The following RNF152 variants were observed in gnomAD, a reference collection of about 807,000 sequenced individuals.
RNF152 encodes the protein E3 ubiquitin-protein ligase RNF152.
In RNF152, 11 loss-of-function variants were observed where a neutral mutation model predicts 12.7. The ratio of observed to expected loss-of-function variants is 0.86; its 90% CI spans 0.54 to 1.43. The LOEUF (loss-of-function observed/expected upper bound fraction) is 1.43, where lower values mean the gene tolerates loss of function less well. Ranked by LOEUF, RNF152 falls within the 40% of genes most tolerant of loss-of-function variation. The probability of loss-of-function intolerance (pLI) is 0.00; values close to 1 mark genes in which losing one functional copy is unlikely to be tolerated. For missense variants in RNF152, 255 were observed against 274.8 expected (o/e 0.93, Z 0.51); for synonymous variants, 113 against 120.3 (o/e 0.94, Z 0.40).
chr18:61,817,082 C>T (rs756097991), intron 1 of RNF152, among the ~76,000 whole-genome samples: 7 of 152,210 alleles, frequency 4.6e-5, no homozygotes, highest in Non-Finnish European at 8.8e-5. Flanking sequence ...AACCTAGGTA[C>T]TTCCTATAAC....
chr18:61,811,471 G>A lies in RNF152; in HGVS notation c.*4381C>T, dbSNP rs113872355. ...AAGCTTCAAATCTTCAACTCTTTCA[G>A]GGATAACTGAAATTTTTGCTTAAAA... On this transcript the variant is annotated 3_prime_UTR_variant, in exon 2 of 2. Transcript: ENST00000312828. 2.3e-4 allele frequency: 35 copies of A among 152,238 alleles called. No individual in the cohort carries two copies. Among genetic ancestry groups the A allele is most frequent in the African/African-American group, 7.9e-4 (33 of 41,544 alleles). The allele number at this position is 152,238 out of a possible 1,614,324, so 9.4% of individuals were successfully genotyped here.
chr18:61,818,822 C>T (rs1028495749), intron 1 of RNF152, among the ~76,000 whole-genome samples: 1 of 152,150 alleles, frequency 6.6e-6, no homozygotes, highest in East Asian at 1.9e-4. Flanking sequence ...ATGTGTCAAG[C>T]GTGATGTTCC....
chr18:61,842,281 T>A (rs1227660071), intron 1 of RNF152, among the ~76,000 whole-genome samples: 6 of 152,236 alleles, frequency 3.9e-5, no homozygotes, highest in Non-Finnish European at 8.8e-5. Flanking sequence ...TATAAACATT[T>A]CCTGAAAGCC....
At chr18:61,830,520 A>G (rs1047163549) in intron 1 of RNF152, among the ~76,000 whole-genome samples, 6 of 152,174 alleles carry the variant, frequency 3.9e-5, no homozygotes, top group African/African-American at 1.4e-4. Context: ...TGTCTGGCTT[A>G]TTTCACTAAG....
intron 1 of RNF152, among the ~76,000 whole-genome samples, chr18:61,859,977 A>C (rs1006243169): frequency 2.0e-5 from 3 of 152,178 alleles, no homozygotes; most frequent in South Asian, 2.1e-4. Context: ...TCATTAGTTA[A>C]GATGAGGTTA....
intron 1 of RNF152, among the ~76,000 whole-genome samples, chr18:61,849,274 T>C (rs1358315668): frequency 6.6e-6 from 1 of 152,214 alleles, no homozygotes; most frequent in African/African-American, 2.4e-5. Flanking sequence ...CCAATCACTA[T>C]GTGACATGGC....
At chr18:61,876,348 T>G (rs577924849) in intron 1 of RNF152, among the ~76,000 whole-genome samples, 1 of 152,126 alleles carries the variant, frequency 6.6e-6, no homozygotes, top group African/African-American at 2.4e-5. Context: ...AATAACCAAA[T>G]CAACATGCTA....
chr18:61,890,846 G>A lies in RNF152; in HGVS notation c.-136+1949C>T, dbSNP rs1357911101. 6.6e-5 allele frequency among the ~76,000 whole-genome samples: 10 copies of A among 152,312 alleles called. No homozygotes were observed. The East Asian group carries it at 1.7e-3, about 26-fold the overall frequency. On this transcript the variant is annotated intron_variant, in intron 1 of 1. Transcript: ENST00000312828. ...TAAGGACCGAACTGTATGGAATTCA[G>A]CTAAAAAGACTACAATGAAAATGCC...
chr18:61,869,578 T>C (rs1911891419), intron 1 of RNF152, among the ~76,000 whole-genome samples: 1 of 152,138 alleles, frequency 6.6e-6, no homozygotes, highest in African/African-American at 2.4e-5. Context: ...ACTCACACCT[T>C]CAATAAAGGA....
At chr18:61,877,738 A>C (rs1912276759) in intron 1 of RNF152, among the ~76,000 whole-genome samples, 1 of 152,208 alleles carries the variant, frequency 6.6e-6, no homozygotes, top group Admixed American at 6.5e-5. Flanking sequence ...TGCACAAGAA[A>C]AAACAAACAA....
intron 1 of RNF152, among the ~76,000 whole-genome samples, chr18:61,884,378 G>A (rs1447244553): frequency 6.6e-6 from 1 of 151,046 alleles, no homozygotes; most frequent in African/African-American, 2.4e-5. Flanking sequence ...ATATGCTAAG[G>A]TATCAAGAAT....
intron 1 of RNF152, among the ~76,000 whole-genome samples, chr18:61,843,985 A>T (rs1222943048): frequency 6.6e-6 from 1 of 151,656 alleles, no homozygotes; most frequent in Non-Finnish European, 1.5e-5. Flanking sequence ...CACAGTAAAA[A>T]TAAATAAATA....
intron 1 of RNF152, among the ~76,000 whole-genome samples, chr18:61,829,516 T>G (rs1909833149): frequency 1.4e-5 from 2 of 141,082 alleles, no homozygotes; most frequent in African/African-American, 2.7e-5. Flanking sequence ...TATATATATA[T>G]CAGGGGAGGG....
intron 1 of RNF152, among the ~76,000 whole-genome samples, chr18:61,855,397 G>A (rs1195375726): frequency 6.6e-6 from 1 of 152,252 alleles, no homozygotes; most frequent in Non-Finnish European, 1.5e-5. Context: ...CAGCTGTAGT[G>A]GGGGAGGCGC....
chr18:61,816,420 C>T lies in RNF152; in HGVS notation c.44G>A (p.Cys15Tyr). 6.2e-7 allele frequency: 1 copy of T among 1,611,750 alleles called. No individual in the cohort carries two copies. The highest frequency in any genetic ancestry group is 2.2e-5 in the East Asian group (1 of 44,786). The part of the protein sequence containing the change: ...SQDSLLECQI[C>Y]FNYYSPRRRP... Reference sequence around the variant, plus strand: ...GCGCCGGGGGCTGTAGTAATTGAAACAGATCTGACATTCCAGCAGAGAGTC... The same window carrying T: ...GCGCCGGGGGCTGTAGTAATTGAAATAGATCTGACATTCCAGCAGAGAGTC... Residue 15 changes from cysteine (C) to tyrosine (Y), a missense_variant, in exon 2 of 2, where the codon TGT (cysteine) becomes TAT (tyrosine). Transcript: ENST00000312828.
intron 1 of RNF152, among the ~76,000 whole-genome samples, chr18:61,868,216 G>A (rs1911827724): frequency 6.6e-6 from 1 of 152,184 alleles, no homozygotes; most frequent in South Asian, 2.1e-4. Context: ...ATATATCTGT[G>A]TTATGTTTCA....
intron 1 of RNF152, among the ~76,000 whole-genome samples, chr18:61,863,946 G>A (rs560499086): frequency 2.0e-5 from 3 of 152,186 alleles, no homozygotes; most frequent in Non-Finnish European, 4.4e-5. Context: ...CCTTTTCCAT[G>A]TATTTTAATC....
At chr18:61,831,545 G>C (rs1909945264) in intron 1 of RNF152, among the ~76,000 whole-genome samples, 1 of 152,116 alleles carries the variant, frequency 6.6e-6, no homozygotes. Context: ...GCCAGGAACT[G>C]AAATGTGAGG....
rs1908807572 is a variant in RNF152 at position 61,811,685 on chromosome 18, T to G, written c.*4167A>C. 1 of 152,182 alleles carries G rather than the reference T, an allele frequency of 6.6e-6. No homozygotes were observed. Among genetic ancestry groups the G allele is most frequent in the Admixed American group, 6.5e-5 (1 of 15,278 alleles). 9.4% of individuals were successfully genotyped at this position (152,182 alleles called of 1,614,324 possible). A position where few individuals can be genotyped will look rare whatever the true frequency, so the allele number is the denominator to read the frequency against. ...TGCTCTTATATTTGCACCTTACTAATACAGCAATGAAGTTTGGATAGGATA... is the reference window on the plus strand; with the variant it reads ...TGCTCTTATATTTGCACCTTACTAAGACAGCAATGAAGTTTGGATAGGATA... On this transcript the variant is annotated 3_prime_UTR_variant, in exon 2 of 2. Coordinates refer to ENST00000312828, the MANE Select transcript of RNF152 (RefSeq NM_173557.3).
Sources: allele counts gnomAD v4.1 joint callset (sites outside exome capture counted in the v4.1 genomes callset), GRCh38; gene constraint gnomAD v4.1.1; transcripts MANE v1.5; gene names NCBI Gene and HGNC (gene_info 2026-07-23, HGNC 2026-07-21).